Variants in GPHN observed in about 807,000 individuals in gnomAD.
The protein encoded by GPHN is gephyrin.
In GPHN, 17 loss-of-function variants were observed where a neutral mutation model predicts 95.5. The observed-to-expected ratio is 0.18, with a 90% CI of 0.12 to 0.27. The LOEUF (loss-of-function observed/expected upper bound fraction) is 0.27. GPHN is among the 10% of genes least tolerant of loss of function. GPHN has a pLI of 1.00. For missense variants in GPHN, 660 were observed against 978.1 expected, an observed-to-expected ratio of 0.67 and a Z score of 4.34; for synonymous variants, 320 against 322.5, an observed-to-expected ratio of 0.99 and a Z score of 0.08.
the GPHN span, among the ~76,000 whole-genome samples, chr14:67,598,701 C>T: frequency 7.2e-6 from 1 of 139,754 alleles, no homozygotes; most frequent in East Asian, 2.1e-4. Context: ...TTTTAACTGA[C>T]TTATGAACAA....
chr14:67,720,170 T>C, the GPHN span, among the ~76,000 whole-genome samples: 3 of 152,358 alleles, frequency 2.0e-5, no homozygotes, highest in Non-Finnish European at 4.4e-5. Context: ...GCATCTCTCA[T>C]ATGAGTGAGG....
intron 16 of GPHN, among the ~76,000 whole-genome samples, chr14:67,119,373 C>G (rs746900506): frequency 1.1e-4 from 16 of 152,106 alleles, no homozygotes; most frequent in Admixed American, 2.6e-4. Context: ...TAATGAATGT[C>G]TAGAATTGTT....
chr14:66,784,802 A>G (rs112635012), intron 3 of GPHN, among the ~76,000 whole-genome samples: 1,871 of 152,338 alleles, frequency 0.012, 17 homozygotes, highest in Non-Finnish European at 0.018. Flanking sequence ...AAGCAAGCAT[A>G]TAAAAACAGG....
chr14:66,508,597 CG>C lies in GPHN; in HGVS notation c.64+11del. Reference sequence around the variant, plus strand: ...CCGTGTCGGAGTCCTTACAGGTAACCGGGGGAGGAGGTCTGGGACCTATGAG... The same window carrying C: ...CCGTGTCGGAGTCCTTACAGGTAACCGGGGAGGAGGTCTGGGACCTATGAG... On this transcript the variant is annotated splice_region_variant and intron_variant, in intron 1 of 22. Transcript: ENST00000478722. 1.2e-6 allele frequency: 2 copies of C among 1,611,566 alleles called. No individual in the cohort carries two copies. Among genetic ancestry groups the C allele is most frequent in the African/African-American group, 1.3e-5 (1 of 75,004 alleles).
intron 4 of GPHN, among the ~76,000 whole-genome samples, chr14:66,876,549 A>C (rs2063673112): frequency 6.6e-6 from 1 of 152,200 alleles, no homozygotes; most frequent in African/African-American, 2.4e-5. Flanking sequence ...TACAATACAA[A>C]ATGATAAATG....
the GPHN span, chr14:67,674,563 G>T: frequency 2.2e-6 from 3 of 1,345,866 alleles, no homozygotes; most frequent in Non-Finnish European, 2.0e-6. Context: ...GCGGTCAGCC[G>T]CCCAGCCCAG....
chr14:67,576,339 C>A, the GPHN span: 1 of 998,042 alleles, frequency 1.0e-6, no homozygotes, highest in South Asian at 1.5e-5. This position sits in a 1 kb window ranked among gnomAD's most constrained non-coding sequence, Gnocchi z 4.0. Context: ...CCTTGGAGCT[C>A]TTGCCTCCAC....
the GPHN span, chr14:67,592,252 T>G: frequency 2.7e-6 from 1 of 371,438 alleles, no homozygotes; most frequent in South Asian, 2.1e-5. Context: ...CTAGGCAACA[T>G]GGCAAGACCT....
At chr14:67,116,655 C>T (rs1025282286) in intron 16 of GPHN, among the ~76,000 whole-genome samples, 4 of 152,178 alleles carry the variant, frequency 2.6e-5, no homozygotes, top group African/African-American at 9.7e-5. Flanking sequence ...GTAGCTGAGA[C>T]TACAGGCTTA....
the GPHN span, among the ~76,000 whole-genome samples, chr14:67,284,433 A>AAAAAAAAAC: frequency 6.8e-6 from 1 of 148,062 alleles, no homozygotes; most frequent in Admixed American, 6.7e-5. Context: ...ATCTCTTAAA[A>AAAAAAAAAC]AAAAAAAAAA....
chr14:67,633,761 T>C, the GPHN span, among the ~76,000 whole-genome samples: 1 of 152,236 alleles, frequency 6.6e-6, no homozygotes, highest in African/African-American at 2.4e-5. Flanking sequence ...GTCCTCTAGG[T>C]GCACTCTGGG....
At chr14:66,973,030 C>T (rs2153593102) in intron 9 of GPHN, among the ~76,000 whole-genome samples, 1 of 152,284 alleles carries the variant, frequency 6.6e-6, no homozygotes, top group African/African-American at 2.4e-5. Context: ...CTCCAGGACC[C>T]TCATGGGTTT....
At chr14:67,304,336 T>C in the GPHN span, among the ~76,000 whole-genome samples, 2 of 152,322 alleles carry the variant, frequency 1.3e-5, no homozygotes, top group African/African-American at 4.8e-5. Flanking sequence ...CACATAAGAA[T>C]GTCTACATGA....
the GPHN span, among the ~76,000 whole-genome samples, chr14:67,606,899 G>T: frequency 1.3e-5 from 2 of 152,094 alleles, no homozygotes; most frequent in Admixed American, 1.3e-4. Context: ...GCCCACCTCG[G>T]CCTCCCAAAG....
At chr14:67,432,820 C>G in the GPHN span, among the ~76,000 whole-genome samples, 3 of 152,046 alleles carry the variant, frequency 2.0e-5, no homozygotes, top group Non-Finnish European at 4.4e-5. Flanking sequence ...AGGGGCATCA[C>G]TCCAATCTCT....
rs529055692 is a variant in GPHN, at chr14:66,722,325, C to T, written c.143+41140C>T. Among the ~76,000 whole-genome samples the T allele has an allele frequency of 3.9e-5, 6 of 152,094 alleles. No homozygotes were observed. The East Asian group carries it at 1.2e-3, about 29-fold the overall frequency. On this transcript the variant is annotated intron_variant, in intron 2 of 22. Coordinates refer to ENST00000478722, the MANE Select transcript of GPHN (RefSeq NM_020806.5). ...GATTACTTAAAAACTGGGGGAAAAC[C>T]CTTTCACGATATCGTTATCAAGAGC...
chr14:66,922,061 C>T (rs1005566585), intron 6 of GPHN, among the ~76,000 whole-genome samples: 1 of 152,036 alleles, frequency 6.6e-6, no homozygotes, highest in Non-Finnish European at 1.5e-5. Context: ...AAAATCAACT[C>T]AAGATGAATT....
chr14:67,556,763 T>C, the GPHN span, among the ~76,000 whole-genome samples: 1 of 152,208 alleles, frequency 6.6e-6, no homozygotes, highest in Non-Finnish European at 1.5e-5. Context: ...ACATACATAC[T>C]TGAGTCTAGA....
intron 18 of GPHN, among the ~76,000 whole-genome samples, chr14:67,156,871 G>A (rs574232644): frequency 3.3e-5 from 5 of 151,852 alleles, no homozygotes; most frequent in African/African-American, 1.2e-4. Context: ...TCAGGAGGCT[G>A]AGACATGCAA....
Sources: allele counts gnomAD v4.1 joint callset (sites outside exome capture counted in the v4.1 genomes callset), GRCh38; gene constraint gnomAD v4.1.1; non-coding constraint Gnocchi (gnomAD v3.1); transcripts MANE v1.5; gene names NCBI Gene and HGNC (gene_info 2026-07-23, HGNC 2026-07-21).